Variants in RPE65 observed in about 807,000 individuals in gnomAD.
The protein encoded by RPE65 is retinoid isomerohydrolase.
A neutral mutation model predicts 68.5 loss-of-function variants in RPE65; 58 were observed. The ratio of observed to expected loss-of-function variants is 0.85; its 90% CI spans 0.69 to 1.05. The LOEUF (loss-of-function observed/expected upper bound fraction) is 1.05. Among genes scored for constraint, RPE65 ranks in the 50% least tolerant of loss-of-function variants. The pLI is 0.00. For synonymous variants in RPE65, 220 were observed against 222.2 expected (o/e 0.99, Z 0.09); for missense variants, 643 against 629.9 (o/e 1.02, Z -0.22).
Position 68,429,489 on chromosome 1 carries a change from T to G in RPE65, c.*287A>C. On this transcript the variant is annotated 3_prime_UTR_variant, in exon 14 of 14. Transcript: ENST00000262340. ...CTCTTATAATAGGAATTAAAAGCCA[T>G]TTAGTAAGTCCACATTCATTTCCTA... 2 of 395,752 alleles carry G rather than the reference T, an allele frequency of 5.1e-6. No individual in the cohort carries two copies. Among genetic ancestry groups the G allele is most frequent in the Non-Finnish European group, 9.4e-6 (2 of 213,278 alleles). 24.5% of individuals were successfully genotyped at this position (395,752 alleles called of 1,614,324 possible). A position where few individuals can be genotyped will look rare whatever the true frequency, so the allele number is the denominator to read the frequency against.
chr1:68,436,492 G>A (rs1043344966), intron 10 of RPE65, among the ~76,000 whole-genome samples: 1 of 150,332 alleles, frequency 6.7e-6, no homozygotes, highest in Non-Finnish European at 1.5e-5. Context: ...ATTTATGATG[G>A]AATTTCACTC....
chr1:68,444,376 A>G (rs1645925998), intron 5 of RPE65, among the ~76,000 whole-genome samples, 155 bp downstream of exon 5: 1 of 152,230 alleles, frequency 6.6e-6, no homozygotes, highest in South Asian at 2.1e-4. Flanking sequence ...TCATAGACAG[A>G]GGCAATCAGT....
rs548720203 is a variant in RPE65, at chr1:68,447,009, A to G, written c.95-149T>C. The G allele has an allele frequency of 5.7e-6, 6 of 1,045,360 alleles. No homozygotes were observed. The East Asian group carries it at 1.3e-4, about 22-fold the overall frequency. 64.8% of individuals were successfully genotyped at this position (1,045,360 alleles called of 1,614,324 possible). ...TTTTCATTTCCAGCCCTCGCGCTGG[A>G]CAGCACTTAGAAAATGTCTGCTGAC... On this transcript the variant is annotated intron_variant, in intron 2 of 13. Coordinates refer to ENST00000262340, the MANE Select transcript of RPE65 (RefSeq NM_000329.3).
chr1:68,440,911 G>A lies in RPE65; in HGVS notation c.585C>T (p.Cys195=), dbSNP rs571111378. The change falls in exon 6 of 14, where the codon TGC becomes TGT. Residue 195 remains cysteine (C), a synonymous_variant. Transcript: ENST00000262340. ...AGGCAATTGAAAAATTTTTTCCAAA[G>A]CAATTACCAATATTGTAAACGGTTC... ...NDGTVYNIGN[C]FGKNFSIAYN... The A allele has an allele frequency of 1.7e-4, 268 of 1,614,026 alleles. 3 individuals carry two copies. Among genetic ancestry groups the A allele is most frequent in the South Asian group, 1.7e-3 (151 of 91,074 alleles).
In RPE65 at chr1:68,439,326, G is replaced by A. The variant is rs763658561; in HGVS notation, c.726-3C>T. The A allele has an allele frequency of 6.2e-7, 1 of 1,612,976 alleles. No homozygotes were observed. Among genetic ancestry groups the A allele is most frequent in the Non-Finnish European group, 8.5e-7 (1 of 1,179,934 alleles). On this transcript the variant is annotated splice_region_variant and splice_polypyrimidine_tract_variant and intron_variant, in intron 7 of 13. Transcript: ENST00000262340. ...TATAGTTGGGAGTCAGACCAAAACT[G>A]TTCAGAAACACAAATGGGCTTGTGA...
At chr1:68,447,818 C>T (rs866565496) in intron 2 of RPE65, among the ~76,000 whole-genome samples, 66 of 152,230 alleles carry the variant, frequency 4.3e-4, no homozygotes, top group African/African-American at 1.6e-3. Flanking sequence ...CCACTGCACT[C>T]CAGCCTGGGC....
rs970794340 is a variant in RPE65 at position 68,439,543 on chromosome 1, A to C, written c.725+18T>G. The C allele has an allele frequency of 6.8e-6, 11 of 1,611,468 alleles. No individual in the cohort carries two copies. The highest frequency in any genetic ancestry group is 9.3e-6 in the Non-Finnish European group (11 of 1,177,550). On this transcript the variant is annotated intron_variant, in intron 7 of 13. Transcript: ENST00000262340. ...AACTTGAGTTTTCCTGAAGATTCAT[A>C]GCAGGCCTTCAAGTTACCTATGAAC...
intron 6 of RPE65, 46 bp downstream of exon 6, chr1:68,440,807 C>T (rs1471292991): frequency 1.2e-6 from 2 of 1,606,680 alleles, no homozygotes; most frequent in Non-Finnish European, 1.7e-6. Context: ...AACTTTCTCA[C>T]AATATAGACA....
chr1:68,444,937 C>T (rs1241361003), intron 3 of RPE65, 54 bp from the exon 4 acceptor site: 4 of 1,484,028 alleles, frequency 2.7e-6, no homozygotes, highest in Non-Finnish European at 3.8e-6. Context: ...TCCGTACAGC[C>T]CATGTGGAGC....
At chr1:68,443,400 C>A (rs542314576) in intron 5 of RPE65, among the ~76,000 whole-genome samples, 1 of 152,258 alleles carries the variant, frequency 6.6e-6, no homozygotes, top group East Asian at 1.9e-4. Flanking sequence ...GATGAGTCAC[C>A]CCCTGCCTAA....
At chr1:68,433,799 T>C (rs1020477779) in intron 10 of RPE65, among the ~76,000 whole-genome samples, 5 of 151,994 alleles carry the variant, frequency 3.3e-5, no homozygotes, top group African/African-American at 7.3e-5. Context: ...AGGGTTGTGA[T>C]TTTGACAAAT....
Position 68,438,267 on chromosome 1 carries a change from A to G in RPE65, c.1048T>C (p.Trp350Arg). The change falls in exon 10 of 14, where the codon TGG becomes CGG. Residue 350 changes from tryptophan to arginine, a missense_variant. Trp to Arg is a moderately radical substitution (Grantham distance 101). Coordinates refer to ENST00000262340, the MANE Select transcript of RPE65 (RefSeq NM_000329.3). ...CTGGCATTTTTTTTCACCTCTTCCC[A>G]GTTCTCACGTAAATTGGCTAAATAT... is the stretch of plus-strand genomic sequence containing the variant. ...YLYLANLRENWEEVKKNARKA... is the reference protein window; with the variant it reads ...YLYLANLRENREEVKKNARKA... 6.2e-7 allele frequency: 1 copy of G among 1,613,776 alleles called. No homozygotes were observed. The highest frequency in any genetic ancestry group is 8.5e-7 in the Non-Finnish European group (1 of 1,179,850).
At chr1:68,441,210 A>G (rs1487895968) in intron 5 of RPE65, among the ~76,000 whole-genome samples, 1 of 152,114 alleles carries the variant, frequency 6.6e-6, no homozygotes. Flanking sequence ...ATCTGGAGTT[A>G]CCTGTGACAT....
In RPE65 at chr1:68,431,576, C is replaced by T; in HGVS notation, c.1138G>A (p.Gly380Ser). 1 of 1,613,556 alleles carries T rather than the reference C, an allele frequency of 6.2e-7. No homozygotes were observed. Among genetic ancestry groups the T allele is most frequent in the Non-Finnish European group, 8.5e-7 (1 of 1,179,644 alleles). The change falls in exon 11 of 14, where the codon GGC becomes AGC. Residue 380 changes from glycine (G) to serine (S), a missense_variant. Physicochemically the swap from Gly to Ser is moderately conservative, Grantham distance 56. Coordinates refer to ENST00000262340, the MANE Select transcript of RPE65 (RefSeq NM_000329.3). ...TTGGGGAGCGTGACTAAATTCTTGCCTGTGTCAGCCTAGGAGAGAAGATAA... is the reference window on the plus strand; with the variant it reads ...TTGGGGAGCGTGACTAAATTCTTGCTTGTGTCAGCCTAGGAGAGAAGATAA... The part of the protein sequence containing the change: ...LPLNIDKADT[G>S]KNLVTLPNTT...
chr1:68,447,313 AT>A (rs1455396425), intron 2 of RPE65, among the ~76,000 whole-genome samples: 3 of 152,244 alleles, frequency 2.0e-5, no homozygotes, highest in Non-Finnish European at 4.4e-5. Context: ...AAAAAAGACT[AT>A]TTAAATGAAA....
Position 68,440,884 on chromosome 1 carries a change from G to T in RPE65, c.612C>A (p.Tyr204Ter), listed in dbSNP as rs1557600983. ...NCFGKNFSIA[Y>*]NIVKIPPLQA... Reference sequence around the variant, plus strand: ...GCAGTGGTGGGATCTTTACAATGTTGTAGGCAATTGAAAAATTTTTTCCAA... The same window carrying T: ...GCAGTGGTGGGATCTTTACAATGTTTTAGGCAATTGAAAAATTTTTTCCAA... Residue 204 changes from tyrosine (Y) to a stop codon, truncating the protein, a stop_gained, in exon 6 of 14, where the codon TAC becomes TAA. Coordinates refer to ENST00000262340, the MANE Select transcript of RPE65 (RefSeq NM_000329.3). LOFTEE classifies it high-confidence loss of function. 1 of 1,613,978 alleles carries T rather than the reference G, an allele frequency of 6.2e-7. No individual in the cohort carries two copies. Among genetic ancestry groups the T allele is most frequent in the Non-Finnish European group, 8.5e-7 (1 of 1,179,922 alleles).
intron 10 of RPE65, among the ~76,000 whole-genome samples, chr1:68,433,336 C>T (rs187346705): frequency 2.6e-5 from 4 of 151,894 alleles, no homozygotes; most frequent in Admixed American, 6.6e-5. Flanking sequence ...AATGATCCAT[C>T]GAAAAGGGTA....
chr1:68,433,247 C>G (rs1045429487), intron 10 of RPE65, among the ~76,000 whole-genome samples: 1 of 152,130 alleles, frequency 6.6e-6, no homozygotes, highest in Admixed American at 6.6e-5. Context: ...AACCAAGGCC[C>G]TCCAACAAGA....
intron 10 of RPE65, among the ~76,000 whole-genome samples, chr1:68,432,508 C>A (rs1039219069): frequency 6.6e-6 from 1 of 151,866 alleles, no homozygotes; most frequent in Non-Finnish European, 1.5e-5. Context: ...AGAGTGTTCA[C>A]GCTAAGAGAA....
Sources: gnomAD v4.1 joint callset for allele counts (sites outside exome capture counted in the v4.1 genomes callset) on GRCh38, gnomAD v4.1.1 for gene constraint, MANE v1.5 for transcripts, NCBI Gene and HGNC (gene_info 2026-07-23, HGNC 2026-07-21) for gene names.